Variants in CRYBG1 observed in about 807,000 individuals in gnomAD.
CRYBG1 encodes the protein beta/gamma crystallin domain-containing protein 1.
CRYBG1 carries 139 observed loss-of-function variants against 189.2 expected under a neutral mutation model. The observed-to-expected ratio is 0.73, with a 90% CI of 0.64 to 0.85. The LOEUF (loss-of-function observed/expected upper bound fraction) is 0.85, where lower values mean the gene tolerates loss of function less well. Among genes scored for constraint, CRYBG1 ranks in the 40% least tolerant of loss-of-function variants. The pLI is 0.00. For missense variants in CRYBG1, 2,611 were observed against 2,675.8 expected (o/e 0.98, Z 0.53); for synonymous variants, 1,023 against 1,017.1 (o/e 1.01, Z -0.11).
chr6:106,511,819 A>G lies in CRYBG1; in HGVS notation c.702A>G (p.Gln234=), dbSNP rs754269704. The G allele has an allele frequency of 3.3e-6, 5 of 1,522,272 alleles. No homozygotes were observed. The African/African-American group carries it at 4.1e-5, about 13-fold the overall frequency. The allele number at this position is 1,522,272 out of a possible 1,614,324, so 94.3% of individuals were successfully genotyped here. ...VQQCHENDSP[Q]LEPLEAEGEP... is the part of the protein sequence containing the mutation. ...AGTGCCATGAAAATGATTCACCCCA[A>G]TTAGAACCTCTGGAGGCAGAGGGAG... The change falls in exon 3 of 22, where the codon CAA becomes CAG. Residue 234 remains glutamine (Q), a synonymous_variant. Transcript: ENST00000633556.
At position 106,481,185 on chromosome 6, in the gene CRYBG1, G is replaced by A. The variant is rs529303753; in HGVS notation, c.312+29353G>A. On this transcript the variant is annotated intron_variant, in intron 2 of 21. Coordinates refer to ENST00000633556, the MANE Select transcript of CRYBG1 (RefSeq NM_001371242.2). ...GAGACGGGGTTTCACCGTTTTAGCC[G>A]GGATGGTCTCGATCTCTTGACCTCG... Among the ~76,000 whole-genome samples, 125 of 116,338 alleles carry A rather than the reference G, an allele frequency of 1.1e-3. 24 individuals carry two copies. Among genetic ancestry groups the A allele is most frequent in the South Asian group, 6.1e-3 (23 of 3,796 alleles). The allele number at this position is 116,338 out of a possible 152,430, so 76.3% of individuals were successfully genotyped here. A position where few individuals can be genotyped will look rare whatever the true frequency, so the allele number is the denominator to read the frequency against.
intron 2 of CRYBG1, among the ~76,000 whole-genome samples, chr6:106,489,827 G>T (rs1180458713): frequency 2.0e-5 from 3 of 148,700 alleles, no homozygotes; most frequent in East Asian, 2.0e-4. Flanking sequence ...TGAAAACATT[G>T]ATAATTGTGA....
chr6:106,510,130 A>G (rs1415536583), intron 2 of CRYBG1, among the ~76,000 whole-genome samples: 1 of 152,032 alleles, frequency 6.6e-6, no homozygotes, highest in African/African-American at 2.4e-5. Flanking sequence ...CGTCGCCAGG[A>G]CTCAAGCTAG....
rs1217344962 is a variant in CRYBG1, at chr6:106,519,127, A to C, written c.1923-4A>C. On this transcript the variant is annotated splice_region_variant and splice_polypyrimidine_tract_variant and intron_variant, in intron 3 of 21. Coordinates refer to ENST00000633556, the MANE Select transcript of CRYBG1 (RefSeq NM_001371242.2). ...AACTTTATCTTCCTGCTTTTTCCTC[A>C]CAGCCCTGCCAAGCCCAAACATGTG... 17 of 1,596,770 alleles carry C rather than the reference A, an allele frequency of 1.1e-5. 1 individual carries two copies. The South Asian group carries it at 1.9e-4, about 18-fold the overall frequency.
At chr6:106,487,493 G>A (rs9386557) in intron 2 of CRYBG1, among the ~76,000 whole-genome samples, 18,707 of 152,080 alleles carry the variant, frequency 0.12, 1,336 homozygotes, top group East Asian at 0.27. Flanking sequence ...CTCAGTTTTT[G>A]CTTGTCTGAG....
intron 8 of CRYBG1, among the ~76,000 whole-genome samples, chr6:106,536,463 G>T (rs1048999043): frequency 2.6e-5 from 4 of 152,134 alleles, no homozygotes; most frequent in Admixed American, 2.6e-4. Context: ...AATTTTTCAA[G>T]TATCCAGTTG....
chr6:106,533,828 G>A (rs1484011060), intron 8 of CRYBG1, among the ~76,000 whole-genome samples: 3 of 152,190 alleles, frequency 2.0e-5, no homozygotes, highest in Non-Finnish European at 4.4e-5. Flanking sequence ...TGGGCAAGAA[G>A]GTGACTATGT....
intron 13 of CRYBG1, among the ~76,000 whole-genome samples, chr6:106,547,574 G>A (rs185900269): frequency 3.3e-5 from 5 of 152,228 alleles, no homozygotes; most frequent in Admixed American, 3.3e-4. Context: ...ACTTTAAATA[G>A]TTTCAAAGGA....
intron 11 of CRYBG1, 73 bp downstream of exon 11, chr6:106,543,670 C>T (rs1263241276): frequency 9.5e-6 from 14 of 1,475,558 alleles, no homozygotes; most frequent in South Asian, 2.5e-5. Context: ...CCCTTTCCCC[C>T]CTAAAAACAA....
chr6:106,454,100 C>T (rs929488066), intron 2 of CRYBG1, among the ~76,000 whole-genome samples: 1 of 152,146 alleles, frequency 6.6e-6, no homozygotes, highest in South Asian at 2.1e-4. Context: ...GCTCTGGGAG[C>T]CACTTACCAT....
At position 106,502,629 on chromosome 6, in the gene CRYBG1, T is replaced by C. The variant is rs150969167; in HGVS notation, c.313-8801T>C. 3.3e-4 allele frequency among the ~76,000 whole-genome samples: 50 copies of C among 152,288 alleles called. No individual in the cohort carries two copies. The East Asian group carries it at 6.4e-3, about 19-fold the overall frequency. On this transcript the variant is annotated intron_variant, in intron 2 of 21. Coordinates refer to ENST00000633556, the MANE Select transcript of CRYBG1 (RefSeq NM_001371242.2). Reference sequence around the variant, plus strand: ...ATAGCTTTGTGAGAAAAAGAGAATGTTGGGGAGACTATTCAAAGTACAGGT... The same window carrying C: ...ATAGCTTTGTGAGAAAAAGAGAATGCTGGGGAGACTATTCAAAGTACAGGT...
At chr6:106,386,780 C>G (rs1770399211) in intron 1 of CRYBG1, among the ~76,000 whole-genome samples, 1 of 152,210 alleles carries the variant, frequency 6.6e-6, no homozygotes, top group Non-Finnish European at 1.5e-5. Context: ...CTGTAAATAA[C>G]AGATGAAGCT....
intron 2 of CRYBG1, among the ~76,000 whole-genome samples, chr6:106,452,802 T>C (rs1771810264): frequency 6.6e-6 from 1 of 152,188 alleles, no homozygotes; most frequent in Non-Finnish European, 1.5e-5. Context: ...AGAAAGACAT[T>C]ACTCATGCAC....
chr6:106,446,527 T>C (rs1771666982), intron 1 of CRYBG1, among the ~76,000 whole-genome samples: 1 of 152,236 alleles, frequency 6.6e-6, no homozygotes, highest in Admixed American at 6.5e-5. Flanking sequence ...ACCTAAACTT[T>C]TATGCTACAT....
At position 106,519,925 on chromosome 6, in the gene CRYBG1, A is replaced by G. The variant is rs1773549008; in HGVS notation, c.2717A>G (p.Glu906Gly). The change falls in exon 4 of 22, where the codon GAA becomes GGA. Residue 906 changes from glutamate (E) to glycine (G), a missense_variant. Glu to Gly is a moderately conservative substitution (Grantham distance 98). Coordinates refer to ENST00000633556, the MANE Select transcript of CRYBG1 (RefSeq NM_001371242.2). ...CCATGCACTGATCTAAAAGTGTCAG[A>G]AAACCATAAAGGATGTGTTTTGCCT... ...SFPCTDLKVS[E>G]NHKGCVLPVS... The G allele has an allele frequency of 6.2e-7, 1 of 1,614,220 alleles. No individual in the cohort carries two copies. Among genetic ancestry groups the G allele is most frequent in the Non-Finnish European group, 8.5e-7 (1 of 1,180,038 alleles).
chr6:106,411,773 T>G (rs1209910531), intron 1 of CRYBG1, among the ~76,000 whole-genome samples: 1 of 152,188 alleles, frequency 6.6e-6, no homozygotes, highest in Non-Finnish European at 1.5e-5. Flanking sequence ...TTCAGTCTGT[T>G]GCCAAAGGCC....
At position 106,451,677 on chromosome 6, in the gene CRYBG1, G is replaced by A. The variant is rs1314557365; in HGVS notation, c.174-17G>A. On this transcript the variant is annotated splice_polypyrimidine_tract_variant and intron_variant, in intron 1 of 21. Transcript: ENST00000633556. ...GTTCATAGTGTATTGACATGACTGT[G>A]GTTCCGTTCTTTGCAGAGCTTTGGA... The A allele has an allele frequency of 6.5e-7, 1 of 1,528,706 alleles. No homozygotes were observed. The highest frequency in any genetic ancestry group is 8.7e-7 in the Non-Finnish European group (1 of 1,143,116). The allele number at this position is 1,528,706 out of a possible 1,614,324, so 94.7% of individuals were successfully genotyped here.
chr6:106,488,364 G>T (rs1489479212), intron 2 of CRYBG1, among the ~76,000 whole-genome samples: 2 of 152,138 alleles, frequency 1.3e-5, no homozygotes, highest in Non-Finnish European at 2.9e-5. Context: ...AGACATAAAT[G>T]GCCTGGTTGC....
At position 106,495,441 on chromosome 6, in the gene CRYBG1, T is replaced by C. The variant is rs79870575; in HGVS notation, c.313-15989T>C. Among the ~76,000 whole-genome samples, 725 of 152,306 alleles carry C rather than the reference T, an allele frequency of 4.8e-3. 12 individuals carry two copies. Among genetic ancestry groups the C allele is most frequent in the African/African-American group, 0.017 (694 of 41,550 alleles). ...AGAAACTAACTGAAGTTTTTCCTTT[T>C]CATTGCCTAAGACTTTGTTTTGGAC... On this transcript the variant is annotated intron_variant, in intron 2 of 21. Transcript: ENST00000633556.
Sources: allele counts gnomAD v4.1 joint callset (sites outside exome capture counted in the v4.1 genomes callset), GRCh38; gene constraint gnomAD v4.1.1; transcripts MANE v1.5; gene names NCBI Gene and HGNC (gene_info 2026-07-23, HGNC 2026-07-21).